Variants in SLC13A2 observed in about 807,000 individuals in gnomAD.
SLC13A2 encodes the protein solute carrier family 13 member 2.
SLC13A2 carries 40 observed loss-of-function variants against 58.5 expected under a neutral mutation model. The ratio of observed to expected loss-of-function variants is 0.68; its 90% CI spans 0.53 to 0.89. The LOEUF (loss-of-function observed/expected upper bound fraction) is 0.89, where lower values mean the gene tolerates loss of function less well. Among genes scored for constraint, SLC13A2 ranks in the 40% least tolerant of loss-of-function variants. SLC13A2 has a pLI of 0.00. For missense variants in SLC13A2, 694 were observed against 772.6 expected (o/e 0.90, Z 1.21); for synonymous variants, 341 against 331.6 (o/e 1.03, Z -0.31).
In SLC13A2 at chr17:28,493,655, G is replaced by A. The variant is rs1555603975; in HGVS notation, c.963G>A (p.Leu321=). 1 of 1,614,124 alleles carries A rather than the reference G, an allele frequency of 6.2e-7. No individual in the cohort carries two copies. Among genetic ancestry groups the A allele is most frequent in the African/African-American group, 1.3e-5 (1 of 74,954 alleles). Reference sequence around the variant, plus strand: ...GCGTCATCCAGACCGAGCACAGGCTGCTGGGCCCCATGACCTTTGCAGAAA... The same window carrying A: ...GCGTCATCCAGACCGAGCACAGGCTACTGGGCCCCATGACCTTTGCAGAAA... ...AYCVIQTEHR[L]LGPMTFAEKA... The change falls in exon 7 of 12, where the codon CTG becomes CTA. Residue 321 remains leucine, a synonymous_variant. Coordinates refer to ENST00000314669, the MANE Select transcript of SLC13A2 (RefSeq NM_003984.4).
chr17:28,494,415 C>T lies in SLC13A2; in HGVS notation c.1211C>T (p.Pro404Leu). The T allele has an allele frequency of 6.2e-7, 1 of 1,614,092 alleles. No individual in the cohort carries two copies. Among genetic ancestry groups the T allele is most frequent in the East Asian group, 2.2e-5 (1 of 44,872 alleles). ...GAAAACCCAGGGAAGCTGAAGGCCC[C>T]TCTTGGCCTCCTCGACTGGAAGACG... is the stretch of plus-strand genomic sequence containing the variant. ...DPENPGKLKA[P>L]LGLLDWKTVN... The change falls in exon 9 of 12, where the codon CCT becomes CTT. Residue 404 changes from proline to leucine, a missense_variant. Pro to Leu is a moderately conservative substitution (Grantham distance 98). Coordinates refer to ENST00000314669, the MANE Select transcript of SLC13A2 (RefSeq NM_003984.4). This position sits in a 1 kb window ranked among gnomAD's most constrained non-coding sequence, Gnocchi z 4.0.
intron 7 of SLC13A2, 43 bp downstream of exon 7, chr17:28,493,832 A>T: frequency 6.2e-7 from 1 of 1,603,736 alleles, no homozygotes; most frequent in Non-Finnish European, 8.5e-7. Flanking sequence ...TCTGGGGCTC[A>T]CATGCTCGGG....
chr17:28,488,333 C>A (rs1485616429), intron 1 of SLC13A2, among the ~76,000 whole-genome samples: 1 of 152,156 alleles, frequency 6.6e-6, no homozygotes, highest in Non-Finnish European at 1.5e-5. Context: ...CAGCATGCGG[C>A]CCCTTCCCTT....
Position 28,487,484 on chromosome 17 carries a change from G to T in SLC13A2, c.103-1730G>T. 3.2e-6 allele frequency: 3 copies of T among 945,616 alleles called. No homozygotes were observed. The South Asian group carries it at 1.5e-4, about 46-fold the overall frequency. The allele number at this position is 945,616 out of a possible 1,614,324, so 58.6% of individuals were successfully genotyped here. On this transcript the variant is annotated intron_variant, in intron 1 of 11. Coordinates refer to ENST00000314669, the MANE Select transcript of SLC13A2 (RefSeq NM_003984.4). ...CTTGTAAAAGCATTTGAAGCACATA[G>T]AATATGACGCCTGGCACAAAGTCAT...
chr17:28,480,047 G>A lies in SLC13A2; in HGVS notation c.102+6233G>A, dbSNP rs139738601. On this transcript the variant is annotated intron_variant, in intron 1 of 11. Transcript: ENST00000314669. The stretch of plus-strand genomic sequence containing the variant: ...CACATGCCTGTAATCCCAGCTACTC[G>A]GGAGGCTGAGGCAGGAGATTCTCTT... Among the ~76,000 whole-genome samples, 434 of 151,964 alleles carry A rather than the reference G, an allele frequency of 2.9e-3. 3 individuals are homozygous for A. Among genetic ancestry groups the A allele is most frequent in the African/African-American group, 0.01 (416 of 41,412 alleles).
chr17:28,491,668 G>GT, intron 5 of SLC13A2, 51 bp downstream of exon 5: 1 of 1,608,314 alleles, frequency 6.2e-7, no homozygotes. Flanking sequence ...TTCACTGGGA[G>GT]GTGAATGGGG....
Position 28,494,050 on chromosome 17 carries a change from C to G in SLC13A2, c.1131C>G (p.Ile377Met). ...MVSDGTVAIF[I>M]GIIMFIIPSK... ...CCGATGGGACAGTGGCCATCTTCAT[C>G]GGCATAATTATGTTCATCATACCCT... Residue 377 changes from isoleucine (I) to methionine (M), a missense_variant, in exon 8 of 12, where the codon ATC (isoleucine) becomes ATG (methionine). Ile to Met is a conservative substitution (Grantham distance 10). Transcript: ENST00000314669. This position sits in a 1 kb window ranked among gnomAD's most constrained non-coding sequence, Gnocchi z 4.0. The G allele has an allele frequency of 6.2e-7, 1 of 1,614,080 alleles. No homozygotes were observed. Among genetic ancestry groups the G allele is most frequent in the Non-Finnish European group, 8.5e-7 (1 of 1,180,004 alleles).
At chr17:28,490,392 T>A in intron 2 of SLC13A2, 62 bp from the exon 3 acceptor site, 1 of 1,613,862 alleles carries the variant, frequency 6.2e-7, no homozygotes, top group Non-Finnish European at 8.5e-7. Flanking sequence ...TCCCATAACC[T>A]CGGGGGCACC....
chr17:28,497,431 TCA>T lies in SLC13A2; in HGVS notation c.*163_*164del, dbSNP rs1215690912. 1.4e-6 allele frequency: 1 copy of T among 730,156 alleles called. No individual in the cohort carries two copies. Among genetic ancestry groups the T allele is most frequent in the African/African-American group, 1.8e-5 (1 of 56,340 alleles). 45.2% of individuals were successfully genotyped at this position (730,156 alleles called of 1,614,324 possible). ...GTGTCTGTAAGGAAGGGGTGTATGC[TCA>T]GTTTCCTATGTGCTGGAATAAAAGG... On this transcript the variant is annotated 3_prime_UTR_variant, in exon 12 of 12. Coordinates refer to ENST00000314669, the MANE Select transcript of SLC13A2 (RefSeq NM_003984.4).
In SLC13A2 at chr17:28,491,628, A is replaced by G. The variant is rs2069024793; in HGVS notation, c.755+11A>G. On this transcript the variant is annotated intron_variant, in intron 5 of 11. Coordinates refer to ENST00000314669, the MANE Select transcript of SLC13A2 (RefSeq NM_003984.4). ...AGGCCAGATCAACTCGTGAGTGACAAGGGGTGGGCCACCTTGGGGGATCTG... is the reference window on the plus strand; with the variant it reads ...AGGCCAGATCAACTCGTGAGTGACAGGGGGTGGGCCACCTTGGGGGATCTG... The G allele has an allele frequency of 6.2e-7, 1 of 1,611,276 alleles. No individual in the cohort carries two copies. The highest frequency in any genetic ancestry group is 1.1e-5 in the South Asian group (1 of 91,016).
chr17:28,489,118 A>G, intron 1 of SLC13A2, 96 bp from the exon 2 acceptor site: 1 of 1,394,942 alleles, frequency 7.2e-7, no homozygotes, highest in South Asian at 1.3e-5. Flanking sequence ...CTCCCCAGGC[A>G]GTCACAAATG....
intron 1 of SLC13A2, among the ~76,000 whole-genome samples, chr17:28,474,792 G>A (rs1265722420): frequency 6.6e-6 from 1 of 152,228 alleles, no homozygotes; most frequent in East Asian, 1.9e-4. Flanking sequence ...CAGAGCTGGG[G>A]GTGTGATCTG....
rs1309197765 is a variant in SLC13A2 at position 28,494,620 on chromosome 17, G to A, written c.1308+108G>A. The A allele has an allele frequency of 2.7e-6, 4 of 1,500,244 alleles. No individual in the cohort carries two copies. Among genetic ancestry groups the A allele is most frequent in the Non-Finnish European group, 3.6e-6 (4 of 1,109,470 alleles). The allele number at this position is 1,500,244 out of a possible 1,614,324, so 92.9% of individuals were successfully genotyped here. On this transcript the variant is annotated intron_variant, in intron 9 of 11. Transcript: ENST00000314669. The surrounding 1 kb of genome is among the most constrained non-coding windows in gnomAD (Gnocchi z 4.0). ...AGAGGGGAGACCTGGTCCCCACGTA[G>A]GAGCCTCTCGGGTAGGCAGAGCCTT...
chr17:28,483,233 C>T (rs2068817158), intron 1 of SLC13A2, among the ~76,000 whole-genome samples: 1 of 152,202 alleles, frequency 6.6e-6, no homozygotes, highest in Non-Finnish European at 1.5e-5. Context: ...CCTTCACTTC[C>T]ATTTGTGCCT....
chr17:28,477,478 G>C (rs997258080), intron 1 of SLC13A2, among the ~76,000 whole-genome samples: 2 of 151,888 alleles, frequency 1.3e-5, no homozygotes, highest in Non-Finnish European at 2.9e-5. Flanking sequence ...ACAGGCGTGA[G>C]CCACCATGCC....
In SLC13A2 at chr17:28,494,924, G is replaced by GA. The variant is rs1468453886; in HGVS notation, c.1308+413dup. On this transcript the variant is annotated intron_variant, in intron 9 of 11. Coordinates refer to ENST00000314669, the MANE Select transcript of SLC13A2 (RefSeq NM_003984.4). This position sits in a 1 kb window ranked among gnomAD's most constrained non-coding sequence, Gnocchi z 4.0. Reference sequence around the variant, plus strand: ...TGATCACACCCACCCAGGCTCTGGGGACCAGAACATCTTTCCCCAGAGCCT... The same window carrying GA: ...TGATCACACCCACCCAGGCTCTGGGGAACCAGAACATCTTTCCCCAGAGCCT... 6.6e-6 allele frequency among the ~76,000 whole-genome samples: 1 copy of GA among 152,088 alleles called. No homozygotes were observed.
chr17:28,490,974 G>T, intron 4 of SLC13A2, 68 bp downstream of exon 4: 1 of 1,398,526 alleles, frequency 7.2e-7, no homozygotes, highest in South Asian at 1.4e-5. Context: ...GGGTCTGTCC[G>T]TTTCGAGGGC....
chr17:28,489,408 GC>G, intron 2 of SLC13A2, 66 bp downstream of exon 2: 1 of 1,533,778 alleles, frequency 6.5e-7, no homozygotes, highest in Non-Finnish European at 8.8e-7. Context: ...GGTTCCCTCA[GC>G]CCTTGTTGAC....
chr17:28,491,343 C>T, intron 4 of SLC13A2, 94 bp from the exon 5 acceptor site: 17 of 1,410,550 alleles, frequency 1.2e-5, no homozygotes, highest in Non-Finnish European at 1.7e-5. Flanking sequence ...GGGCTGTTCA[C>T]AGACAAGGTA....
Sources: gnomAD v4.1 joint callset for allele counts (sites outside exome capture counted in the v4.1 genomes callset) on GRCh38, gnomAD v4.1.1 for gene constraint, Gnocchi (gnomAD v3.1) non-coding constraint, MANE v1.5 for transcripts, NCBI Gene and HGNC (gene_info 2026-07-23, HGNC 2026-07-21) for gene names.